Variants in GLRA2 observed in about 807,000 individuals in gnomAD.
The protein encoded by GLRA2 is glycine receptor alpha 2.
GLRA2 carries 11 observed loss-of-function variants against 31.6 expected under a neutral mutation model. That is an observed-to-expected ratio of 0.35 (90% CI 0.22 to 0.58). The LOEUF is 0.58. Ranked by LOEUF, GLRA2 falls within the 20% of genes least tolerant of loss-of-function variation. The pLI is 0.84. For missense variants in GLRA2, 212 were observed against 351.8 expected (o/e 0.60, Z 3.18); for synonymous variants, 132 against 134.0 (o/e 0.99, Z 0.10).
At chrX:14,519,833 G>A in the GLRA2 span, among the ~76,000 whole-genome samples, 1 of 111,865 alleles carries the variant, frequency 8.9e-6, no homozygotes, top group African/African-American at 3.2e-5. Flanking sequence ...ATATTACTTT[G>A]TCTAATCTTC....
intron 4 of GLRA2, among the ~76,000 whole-genome samples, chrX:14,594,226 T>C (rs1429333616): frequency 1.8e-5 from 2 of 111,609 alleles, no homozygotes; most frequent in African/African-American, 6.5e-5. Flanking sequence ...GTATCTGCAG[T>C]TCATAAGCAT....
chrX:14,604,875 A>T (rs964429827), intron 5 of GLRA2, among the ~76,000 whole-genome samples: 2 of 110,620 alleles, frequency 1.8e-5, no homozygotes, highest in Non-Finnish European at 3.8e-5. Flanking sequence ...ACAAGACATA[A>T]GGACCTTGGC....
the GLRA2 span, among the ~76,000 whole-genome samples, chrX:14,478,209 C>A: frequency 7.2e-5 from 8 of 110,908 alleles, no homozygotes; most frequent in Non-Finnish European, 1.1e-4. Context: ...TTACTCTAAT[C>A]CATTCCCAAG....
At chrX:14,566,704 TTCCTGCTACG>T (rs1309464682) in intron 2 of GLRA2, among the ~76,000 whole-genome samples, 3 of 111,553 alleles carry the variant, frequency 2.7e-5, no homozygotes, top group African/African-American at 9.8e-5. Flanking sequence ...ACTCCCTGCT[TTCCTGCTACG>T]TCCTTTAAAG....
At chrX:14,690,497 C>T (rs1351198782) in intron 7 of GLRA2, among the ~76,000 whole-genome samples, 2 of 111,675 alleles carry the variant, frequency 1.8e-5, no homozygotes, top group Non-Finnish European at 3.8e-5. Context: ...GGTTCAGGGG[C>T]GTGTGACTTT....
intron 7 of GLRA2, among the ~76,000 whole-genome samples, chrX:14,624,012 T>G (rs1325947818): frequency 3.6e-5 from 4 of 111,487 alleles, no homozygotes; most frequent in Non-Finnish European, 5.7e-5. Flanking sequence ...TATCATTGCC[T>G]CGATTTCAGA....
intron 7 of GLRA2, among the ~76,000 whole-genome samples, chrX:14,609,695 C>T (rs1210546896): frequency 9.0e-6 from 1 of 111,200 alleles, no homozygotes; most frequent in African/African-American, 3.3e-5. Context: ...AATTAATGTA[C>T]AATATTAGGG....
chrX:14,657,216 C>G, intron 7 of GLRA2, among the ~76,000 whole-genome samples: 1 of 112,154 alleles, frequency 8.9e-6, no homozygotes, highest in Admixed American at 9.5e-5. Context: ...AAATCACCTG[C>G]AGGCATAAAT....
intron 2 of GLRA2, among the ~76,000 whole-genome samples, chrX:14,535,634 A>G (rs1184595369): frequency 8.9e-6 from 1 of 112,419 alleles, no homozygotes; most frequent in African/African-American, 3.2e-5. Flanking sequence ...AAAATCCTCA[A>G]TTCAGATAAA....
At chrX:14,465,576 T>G in the GLRA2 span, among the ~76,000 whole-genome samples, 2 of 112,205 alleles carry the variant, frequency 1.8e-5, no homozygotes, top group African/African-American at 6.5e-5. Flanking sequence ...CTTATCTTCT[T>G]TCTATCAGCT....
chrX:14,449,471 G>T, the GLRA2 span, among the ~76,000 whole-genome samples: 187 of 112,598 alleles, frequency 1.7e-3, 3 homozygotes, highest in East Asian at 0.048. Context: ...GCAGCCATAG[G>T]CACCCATCCC....
chrX:14,659,602 A>G (rs1302145136), intron 7 of GLRA2, among the ~76,000 whole-genome samples: 3 of 110,925 alleles, frequency 2.7e-5, no homozygotes, highest in Non-Finnish European at 5.7e-5. Context: ...GGGTAGAGAA[A>G]GGGGACCCTG....
intron 7 of GLRA2, among the ~76,000 whole-genome samples, chrX:14,615,375 AG>A (rs750801031): frequency 8.9e-6 from 1 of 112,290 alleles, no homozygotes; most frequent in Admixed American, 9.4e-5. Context: ...GCATTCTTCT[AG>A]GGGTCAAAGA....
At position 14,731,018 on chromosome X, in the gene GLRA2, T is replaced by A. The variant is rs1442132094; in HGVS notation, c.*533T>A. ...ATAGTGAGTCGAGGACCAAACTTTT[T>A]CAGGAAAATGCTGCCTCGTTTTTAA... On this transcript the variant is annotated 3_prime_UTR_variant, in exon 9 of 9. Coordinates refer to ENST00000218075, the MANE Select transcript of GLRA2 (RefSeq NM_002063.4). 1 of 111,781 alleles carries A rather than the reference T, an allele frequency of 8.9e-6. No individual in the cohort carries two copies. Among genetic ancestry groups the A allele is most frequent in the East Asian group, 2.8e-4 (1 of 3,540 alleles). 9.2% of individuals were successfully genotyped at this position (111,781 alleles called of 1,213,427 possible).
At chrX:14,708,209 C>G (rs1420463789) in intron 8 of GLRA2, among the ~76,000 whole-genome samples, 4 of 111,687 alleles carry the variant, frequency 3.6e-5, no homozygotes, top group African/African-American at 3.3e-5. Context: ...CCATTCTACT[C>G]TCTGCTTCTG....
chrX:14,507,686 A>ATTTTTTTTTTTTTTTTTTTTTTTTTT, the GLRA2 span, among the ~76,000 whole-genome samples: 1 of 56,051 alleles, frequency 1.8e-5, no homozygotes, highest in Admixed American at 1.7e-4. Flanking sequence ...TACGAAAGAC[A>ATTTTTTTTTTTTTTTTTTTTTTTTTT]TTCTTTTTTT....
the GLRA2 span, among the ~76,000 whole-genome samples, chrX:14,459,195 C>T: frequency 1.1e-4 from 12 of 111,109 alleles, no homozygotes; most frequent in Non-Finnish European, 1.7e-4. Flanking sequence ...ATATGCAGCG[C>T]TATTTCTGAG....
chrX:14,517,131 A>G, the GLRA2 span, among the ~76,000 whole-genome samples: 1 of 112,352 alleles, frequency 8.9e-6, no homozygotes, highest in Non-Finnish European at 1.9e-5. Context: ...CTGTAGTCTA[A>G]CATGCTATGT....
chrX:14,449,148 A>G, the GLRA2 span, among the ~76,000 whole-genome samples: 1 of 111,964 alleles, frequency 8.9e-6, no homozygotes, highest in Non-Finnish European at 1.9e-5. Context: ...CACTTCAAAC[A>G]GATCTTTTGA....
Sources: allele counts gnomAD v4.1 joint callset (sites outside exome capture counted in the v4.1 genomes callset), GRCh38; gene constraint gnomAD v4.1.1; transcripts MANE v1.5; gene names NCBI Gene and HGNC (gene_info 2026-07-23, HGNC 2026-07-21).